The following NUBPL variants were observed in gnomAD, a reference collection of about 807,000 sequenced individuals.
The protein encoded by NUBPL is iron-sulfur cluster transfer protein NUBPL.
In NUBPL, 31 loss-of-function variants were observed where a neutral mutation model predicts 45.7. That is an observed-to-expected ratio of 0.68 (90% confidence interval 0.51 to 0.92). The LOEUF is 0.92. Among genes scored for constraint, NUBPL ranks in the 40% least tolerant of loss-of-function variants. The pLI, the probability that NUBPL is intolerant of heterozygous loss-of-function variation, is 0.00. For missense variants in NUBPL, 401 were observed against 398.7 expected (o/e 1.01, Z -0.05); for synonymous variants, 144 against 140.9 (o/e 1.02, Z -0.15).
intron 7 of NUBPL, among the ~76,000 whole-genome samples, chr14:31,805,869 T>C (rs1362750504): frequency 6.6e-6 from 1 of 152,092 alleles, no homozygotes; most frequent in Admixed American, 6.6e-5. Flanking sequence ...CAGGTTTACC[T>C]ATATAACAAA....
chr14:31,760,157 G>GAGAGAGAGAGAA, intron 6 of NUBPL, among the ~76,000 whole-genome samples: 1 of 140,194 alleles, frequency 7.1e-6, no homozygotes, highest in Non-Finnish European at 1.6e-5. Flanking sequence ...GAGAGAGAGA[G>GAGAGAGAGAGAA]AGAGAGAGAG....
intron 6 of NUBPL, among the ~76,000 whole-genome samples, chr14:31,688,763 A>G (rs887508755): frequency 2.0e-5 from 3 of 150,440 alleles, no homozygotes; most frequent in South Asian, 2.1e-4. Context: ...TTCATCACCC[A>G]GGTACTAAGC....
chr14:31,776,307 T>G (rs2039097052), intron 6 of NUBPL, among the ~76,000 whole-genome samples: 1 of 152,188 alleles, frequency 6.6e-6, no homozygotes, highest in Non-Finnish European at 1.5e-5. Context: ...ATCATTGCTT[T>G]CGTGGCTCCT....
intron 4 of NUBPL, among the ~76,000 whole-genome samples, chr14:31,604,691 T>C (rs1595356521): frequency 2.0e-5 from 3 of 152,342 alleles, no homozygotes; most frequent in South Asian, 4.1e-4. Context: ...CCACATTCTC[T>C]TCATACCTTT....
At chr14:31,730,899 T>C (rs1369804289) in intron 6 of NUBPL, among the ~76,000 whole-genome samples, 1 of 152,114 alleles carries the variant, frequency 6.6e-6, no homozygotes. Context: ...TTTAAACACA[T>C]TATTCAGTGC....
intron 6 of NUBPL, among the ~76,000 whole-genome samples, chr14:31,699,187 T>C (rs2037280125): frequency 6.6e-6 from 1 of 152,214 alleles, no homozygotes. Context: ...AAAAATATTT[T>C]TTGTTTAGGG....
intron 6 of NUBPL, among the ~76,000 whole-genome samples, chr14:31,778,209 C>A (rs925856962): frequency 6.6e-6 from 1 of 152,176 alleles, no homozygotes; most frequent in African/African-American, 2.4e-5. Flanking sequence ...CTGGTGAGGA[C>A]AACTCAAGTA....
chr14:31,750,933 T>C (rs2038512609), intron 6 of NUBPL, among the ~76,000 whole-genome samples: 1 of 152,268 alleles, frequency 6.6e-6, no homozygotes, highest in South Asian at 2.1e-4. Context: ...CTTATAATCA[T>C]GGTGGAAGGC....
intron 4 of NUBPL, among the ~76,000 whole-genome samples, chr14:31,657,426 A>C (rs957360979): frequency 2.6e-5 from 4 of 152,232 alleles, no homozygotes; most frequent in African/African-American, 9.6e-5. Flanking sequence ...TATCTTTCAA[A>C]ACAAATTCGG....
chr14:31,640,455 TA>T (rs2035656357), intron 4 of NUBPL, among the ~76,000 whole-genome samples: 2 of 151,072 alleles, frequency 1.3e-5, no homozygotes, highest in South Asian at 4.2e-4. Flanking sequence ...CAAAAATTAG[TA>T]AAAATACAAA....
At chr14:31,848,658 C>CT (rs761097186) in intron 9 of NUBPL, among the ~76,000 whole-genome samples, 67 of 152,162 alleles carry the variant, frequency 4.4e-4, no homozygotes, top group Admixed American at 1.1e-3. Context: ...CTCACTTTTA[C>CT]TTTTTAAAAA....
intron 7 of NUBPL, among the ~76,000 whole-genome samples, chr14:31,804,269 G>A (rs1595653633): frequency 6.6e-6 from 1 of 152,284 alleles, no homozygotes; most frequent in African/African-American, 2.4e-5. Flanking sequence ...TATTTATATT[G>A]TAGATAACGA....
chr14:31,850,615 A>ATT (rs60195068), intron 10 of NUBPL, among the ~76,000 whole-genome samples: 2 of 151,472 alleles, frequency 1.3e-5, no homozygotes, highest in African/African-American at 4.8e-5. Flanking sequence ...TAGAGGTGGG[A>ATT]TTTTTTTTTC....
At chr14:31,708,600 C>T (rs566560638) in intron 6 of NUBPL, among the ~76,000 whole-genome samples, 184 of 152,276 alleles carry the variant, frequency 1.2e-3, no homozygotes, top group Non-Finnish European at 2.2e-3. Context: ...ACAGGCTGTC[C>T]CAGGATTCCT....
At chr14:31,817,663 A>G (rs1485143547) in intron 7 of NUBPL, among the ~76,000 whole-genome samples, 2 of 152,216 alleles carry the variant, frequency 1.3e-5, no homozygotes, top group East Asian at 3.9e-4. Context: ...TGAAGGATGC[A>G]GTAAATATGG....
At chr14:31,812,885 T>A (rs552751773) in intron 7 of NUBPL, among the ~76,000 whole-genome samples, 35 of 152,164 alleles carry the variant, frequency 2.3e-4, no homozygotes, top group African/African-American at 8.2e-4. Flanking sequence ...CAGAGCTGTC[T>A]GATTCTGATT....
intron 4 of NUBPL, among the ~76,000 whole-genome samples, chr14:31,646,936 C>T (rs1375757172): frequency 6.6e-6 from 1 of 151,254 alleles, no homozygotes; most frequent in African/African-American, 2.4e-5. Context: ...TTCAAATAGT[C>T]TTGTTTTTGA....
chr14:31,776,198 A>G (rs2039095307), intron 6 of NUBPL, among the ~76,000 whole-genome samples: 1 of 152,216 alleles, frequency 6.6e-6, no homozygotes, highest in South Asian at 2.1e-4. Flanking sequence ...ACTAAATGAG[A>G]TGCTTGGGTG....
At chr14:31,832,514 C>T (rs1001877640) in intron 8 of NUBPL, among the ~76,000 whole-genome samples, 5 of 152,148 alleles carry the variant, frequency 3.3e-5, no homozygotes, top group Admixed American at 2.0e-4. Flanking sequence ...CTCTGCCCTT[C>T]TTCTCTTTGA....
Sources: gnomAD v4.1 joint callset for allele counts (sites outside exome capture counted in the v4.1 genomes callset) on GRCh38, gnomAD v4.1.1 for gene constraint, MANE v1.5 for transcripts, NCBI Gene and HGNC (gene_info 2026-07-23, HGNC 2026-07-21) for gene names.